SLC30A8: variants seen among roughly 807,000 people sequenced by gnomAD.
SLC30A8 encodes proton-coupled zinc antiporter SLC30A8.
A neutral mutation model predicts 36.9 loss-of-function variants in SLC30A8; 27 were observed. The ratio of observed to expected loss-of-function variants is 0.73; its 90% CI spans 0.54 to 1.01. The LOEUF is 1.01. SLC30A8 is among the 50% of genes least tolerant of loss of function. SLC30A8 has a pLI of 0.00. For synonymous variants in SLC30A8, 164 were observed against 172.4 expected (o/e 0.95, Z 0.38); for missense variants, 439 against 452.0 (o/e 0.97, Z 0.26).
Position 117,044,222 on chromosome 8 carries a change from A to G in SLC30A8, c.-226+4964A>G, listed in dbSNP as rs1276834667. On this transcript the variant is annotated intron_variant, in intron 2 of 10. Transcript: ENST00000427715. ...GGTATCCGCGTACACAAAGGCCAAG[A>G]ATTCACCATTGTTTCTGGGGCTGCT... Among the ~76,000 whole-genome samples the G allele has an allele frequency of 5.3e-5, 8 of 152,198 alleles. No individual in the cohort carries two copies. In the East Asian group the frequency reaches 1.5e-3, roughly 29 times the overall value.
chr8:116,952,625 TTAGAGAAAAAAAG>T (rs926251057), intron 1 of SLC30A8, among the ~76,000 whole-genome samples: 6 of 152,066 alleles, frequency 3.9e-5, no homozygotes, highest in Admixed American at 1.3e-4. Flanking sequence ...TTTTGTTTTC[TTAGAGAAAAAAAG>T]TAGAGATGGG....
At chr8:117,054,214 T>C (rs1396403345) in intron 2 of SLC30A8, among the ~76,000 whole-genome samples, 1 of 150,580 alleles carries the variant, frequency 6.6e-6, no homozygotes, top group African/African-American at 2.5e-5. Flanking sequence ...TCTTCCCACC[T>C]CAGCCTTCTG....
chr8:117,160,181 A>G (rs1822703634), intron 4 of SLC30A8, among the ~76,000 whole-genome samples: 4 of 152,228 alleles, frequency 2.6e-5, no homozygotes, highest in Admixed American at 6.5e-5. Context: ...GAAAGTTCCA[A>G]TAGAAGTTGT....
intron 2 of SLC30A8, among the ~76,000 whole-genome samples, chr8:117,078,445 C>T (rs935522660): frequency 1.3e-5 from 2 of 152,112 alleles, no homozygotes; most frequent in African/African-American, 4.8e-5. Context: ...AGATGTGATT[C>T]TAACTTTTGG....
At chr8:117,031,041 G>C (rs986615070) in intron 1 of SLC30A8, among the ~76,000 whole-genome samples, 5 of 152,106 alleles carry the variant, frequency 3.3e-5, no homozygotes, top group African/African-American at 1.2e-4. Context: ...CGGAATTTTT[G>C]TGATAAAGAT....
chr8:117,135,131 G>A lies in SLC30A8; in HGVS notation c.-197G>A. 4.8e-6 allele frequency: 2 copies of A among 418,312 alleles called. No individual in the cohort carries two copies. The highest frequency in any genetic ancestry group is 7.0e-5 in the East Asian group (2 of 28,772). 25.9% of individuals were successfully genotyped at this position (418,312 alleles called of 1,614,324 possible). On this transcript the variant is annotated 5_prime_UTR_variant, in exon 1 of 8. Transcript: ENST00000456015. ...TTGTAGGTGAAAACAATGAAGCCAG[G>A]TAATATTGCAAGGAGGCTGTAATTT... is the stretch of plus-strand genomic sequence containing the variant.
chr8:117,085,775 T>G (rs143177208), intron 2 of SLC30A8, among the ~76,000 whole-genome samples: 72 of 152,296 alleles, frequency 4.7e-4, no homozygotes, highest in African/African-American at 1.7e-3. Flanking sequence ...TTTCCCAAAG[T>G]AATACAAGCT....
At chr8:117,168,758 A>G (rs531905368) in intron 6 of SLC30A8, among the ~76,000 whole-genome samples, 6 of 152,310 alleles carry the variant, frequency 3.9e-5, no homozygotes, top group African/African-American at 9.6e-5. Flanking sequence ...CACATTAGGC[A>G]TAACAGACAG....
At position 117,135,172 on chromosome 8, in the gene SLC30A8, C is replaced by A. The variant is rs932817493; in HGVS notation, c.-156C>A. On this transcript the variant is annotated 5_prime_UTR_variant, in exon 1 of 8. Coordinates refer to ENST00000456015, the MANE Select transcript of SLC30A8 (RefSeq NM_173851.3). ...GCTGTAATTTTAGCAGACCTACCAA[C>A]AACACTGATGTAGGAAGCTCATTAT... 4.3e-6 allele frequency: 2 copies of A among 470,104 alleles called. No homozygotes were observed. The highest frequency in any genetic ancestry group is 7.6e-6 in the Non-Finnish European group (2 of 262,622). 29.1% of individuals were successfully genotyped at this position (470,104 alleles called of 1,614,324 possible). A position where few individuals can be genotyped will look rare whatever the true frequency, so the allele number is the denominator to read the frequency against.
chr8:117,103,551 T>C (rs1819825544), intron 2 of SLC30A8, among the ~76,000 whole-genome samples: 1 of 152,210 alleles, frequency 6.6e-6, no homozygotes. Context: ...CTTGGCTCAC[T>C]GCAACCTTCA....
At chr8:117,126,036 C>T (rs1001744302) in intron 2 of SLC30A8, among the ~76,000 whole-genome samples, 2 of 151,904 alleles carry the variant, frequency 1.3e-5, no homozygotes, top group Admixed American at 6.6e-5. Context: ...GTTTTCCCCC[C>T]TCGATGAAGC....
At chr8:117,105,383 C>T (rs1162368209) in intron 2 of SLC30A8, among the ~76,000 whole-genome samples, 1 of 152,112 alleles carries the variant, frequency 6.6e-6, no homozygotes, top group Non-Finnish European at 1.5e-5. Context: ...CAATAGCACC[C>T]TACTTCTTGG....
intron 1 of SLC30A8, among the ~76,000 whole-genome samples, chr8:117,031,550 T>G (rs1293813136): frequency 6.6e-6 from 1 of 151,924 alleles, no homozygotes; most frequent in Non-Finnish European, 1.5e-5. Flanking sequence ...AACCTCTGCC[T>G]CCTGGGTTCA....
At chr8:117,168,720 T>C (rs551999820) in intron 6 of SLC30A8, among the ~76,000 whole-genome samples, 13 of 152,282 alleles carry the variant, frequency 8.5e-5, no homozygotes, top group South Asian at 6.2e-4. Flanking sequence ...CTTCAAATGG[T>C]CAACAGAACT....
At chr8:117,109,474 C>T (rs947204774) in intron 2 of SLC30A8, among the ~76,000 whole-genome samples, 6 of 152,234 alleles carry the variant, frequency 3.9e-5, no homozygotes, top group African/African-American at 1.4e-4. Flanking sequence ...TCCCGGACAT[C>T]CATCACATCT....
chr8:117,149,267 C>G (rs771316209), intron 2 of SLC30A8, among the ~76,000 whole-genome samples: 93 of 151,982 alleles, frequency 6.1e-4, no homozygotes, highest in Non-Finnish European at 1.2e-3. Context: ...TTTTTTAAAG[C>G]TTTTTGATTC....
intron 2 of SLC30A8, among the ~76,000 whole-genome samples, chr8:117,117,092 G>T (rs189285419): frequency 5.3e-5 from 8 of 151,986 alleles, no homozygotes; most frequent in Admixed American, 3.3e-4. Flanking sequence ...TTGTCTTTCC[G>T]AGGAAAGACC....
intron 2 of SLC30A8, among the ~76,000 whole-genome samples, chr8:117,070,116 T>A (rs1410092719): frequency 6.6e-6 from 1 of 152,218 alleles, no homozygotes; most frequent in Non-Finnish European, 1.5e-5. Flanking sequence ...TTCAGAGACA[T>A]GTCCAGTGCC....
chr8:117,052,907 TTC>T (rs1817752900), intron 2 of SLC30A8, among the ~76,000 whole-genome samples: 1 of 136,344 alleles, frequency 7.3e-6, no homozygotes. Flanking sequence ...CTCCTTTTTT[TTC>T]TTTTTTTTTT....
Sources: allele counts gnomAD v4.1 joint callset (sites outside exome capture counted in the v4.1 genomes callset), GRCh38; gene constraint gnomAD v4.1.1; transcripts MANE v1.5; gene names NCBI Gene and HGNC (gene_info 2026-07-23, HGNC 2026-07-21).